MPPED2: variants seen among roughly 807,000 people sequenced by gnomAD.
The protein encoded by MPPED2 is metallophosphoesterase domain containing 2.
A neutral mutation model predicts 33.0 loss-of-function variants in MPPED2; 5 were observed. That is an observed-to-expected ratio of 0.15 (90% CI 0.08 to 0.32). The LOEUF is 0.32. Among genes scored for constraint, MPPED2 ranks in the 10% least tolerant of loss-of-function variants. The pLI is 1.00. For missense variants in MPPED2, 275 were observed against 372.1 expected, an observed-to-expected ratio of 0.74 and a Z score of 2.15; for synonymous variants, 136 against 141.9, an observed-to-expected ratio of 0.96 and a Z score of 0.29.
At chr11:30,547,428 T>A (rs1294472049) in intron 2 of MPPED2, among the ~76,000 whole-genome samples, 1 of 152,202 alleles carries the variant, frequency 6.6e-6, no homozygotes, top group Non-Finnish European at 1.5e-5. Flanking sequence ...TTATTACCTT[T>A]AATCTTCTCA....
intron 2 of MPPED2, among the ~76,000 whole-genome samples, chr11:30,538,063 T>C (rs1262479703): frequency 6.6e-6 from 1 of 152,162 alleles, no homozygotes; most frequent in Non-Finnish European, 1.5e-5. Flanking sequence ...ATAAGCAATA[T>C]CCCTATACCA....
At chr11:30,536,607 A>G (rs1250950758) in intron 2 of MPPED2, among the ~76,000 whole-genome samples, 1 of 152,194 alleles carries the variant, frequency 6.6e-6, no homozygotes, top group Non-Finnish European at 1.5e-5. Context: ...TAACTTAAGC[A>G]ATGAACTAAT....
At chr11:30,477,379 C>T (rs576205988) in intron 4 of MPPED2, among the ~76,000 whole-genome samples, 66 of 152,190 alleles carry the variant, frequency 4.3e-4, no homozygotes, top group African/African-American at 1.1e-3. Flanking sequence ...TTTTATTAAA[C>T]TGATGAAGCT....
exon 7 of MPPED2, chr11:30,384,570 G>A (rs982494196): frequency 1.3e-5 from 2 of 151,318 alleles, no homozygotes; most frequent in Non-Finnish European, 2.9e-5. Context: ...CGCCTCCAGG[G>A]TTCAAGAAAT....
intron 2 of MPPED2, among the ~76,000 whole-genome samples, chr11:30,544,456 C>G (rs139324524): frequency 1.7e-3 from 260 of 152,280 alleles, no homozygotes; most frequent in African/African-American, 5.9e-3. Flanking sequence ...TACCAGGTAC[C>G]CTGGTATGTA....
chr11:30,506,543 C>T (rs184241808), intron 3 of MPPED2, among the ~76,000 whole-genome samples: 21 of 152,178 alleles, frequency 1.4e-4, no homozygotes, highest in Non-Finnish European at 2.5e-4. Context: ...TAAAAAGCAA[C>T]TGAGAAAAAG....
At chr11:30,397,410 G>A (rs530667664) in intron 6 of MPPED2, among the ~76,000 whole-genome samples, 2 of 152,182 alleles carry the variant, frequency 1.3e-5, no homozygotes, top group East Asian at 1.9e-4. Flanking sequence ...TTATTTTGCT[G>A]TTAAATTTGG....
chr11:30,555,874 T>C (rs1161989523), intron 2 of MPPED2, among the ~76,000 whole-genome samples: 1 of 152,208 alleles, frequency 6.6e-6, no homozygotes, highest in African/African-American at 2.4e-5. Flanking sequence ...AAATTCTTCA[T>C]TCCAGCCCAG....
intron 6 of MPPED2, among the ~76,000 whole-genome samples, chr11:30,395,532 A>G (rs1188518746): frequency 6.6e-6 from 1 of 152,112 alleles, no homozygotes; most frequent in Non-Finnish European, 1.5e-5. Flanking sequence ...CATGGATTCA[A>G]TTTTTCAAAA....
chr11:30,439,009 C>A (rs1375311660), intron 4 of MPPED2, among the ~76,000 whole-genome samples: 1 of 152,138 alleles, frequency 6.6e-6, no homozygotes, highest in Non-Finnish European at 1.5e-5. Flanking sequence ...GGAGAAATAT[C>A]TAAATAGAAG....
chr11:30,398,890 G>A (rs143755495), intron 6 of MPPED2, among the ~76,000 whole-genome samples: 6 of 152,152 alleles, frequency 3.9e-5, no homozygotes, highest in East Asian at 1.9e-4. Flanking sequence ...GTTAATTTTG[G>A]TTGATGATAA....
chr11:30,549,505 C>T (rs1467922792), intron 2 of MPPED2, among the ~76,000 whole-genome samples: 2 of 152,214 alleles, frequency 1.3e-5, no homozygotes, highest in African/African-American at 4.8e-5. Flanking sequence ...ACTATCTATA[C>T]ATATGAGTTC....
At chr11:30,510,094 T>C (rs1243191693) in intron 3 of MPPED2, among the ~76,000 whole-genome samples, 2 of 152,180 alleles carry the variant, frequency 1.3e-5, no homozygotes, top group East Asian at 1.9e-4. Flanking sequence ...CCAAGACATA[T>C]AGTCACTCAT....
At chr11:30,479,415 C>A (rs989428805) in intron 4 of MPPED2, among the ~76,000 whole-genome samples, 1 of 152,046 alleles carries the variant, frequency 6.6e-6, no homozygotes, top group African/African-American at 2.4e-5. Context: ...TAAACTAAAG[C>A]AGAATAATCT....
At chr11:30,506,290 C>T (rs531754158) in intron 3 of MPPED2, among the ~76,000 whole-genome samples, 23 of 152,166 alleles carry the variant, frequency 1.5e-4, no homozygotes, top group African/African-American at 3.4e-4. Context: ...CCCCTCAGCC[C>T]GCCTCAGCCT....
chr11:30,579,720 G>A (rs969322467), intron 2 of MPPED2, among the ~76,000 whole-genome samples: 3 of 151,794 alleles, frequency 2.0e-5, no homozygotes, highest in African/African-American at 4.8e-5. Context: ...TGCAGCACAC[G>A]TTTCACTAGC....
In MPPED2 at chr11:30,562,470, G is replaced by A. The variant is rs570065823; in HGVS notation, c.128+17776C>T. On this transcript the variant is annotated intron_variant, in intron 2 of 6. Coordinates refer to ENST00000358117, the MANE Select transcript of MPPED2 (RefSeq NM_001584.3). ...GAAGCCTACCTTCTTTCACGTTTGGGAGAAGAATCAAACCTGATGCATGCC... is the reference window on the plus strand; with the variant it reads ...GAAGCCTACCTTCTTTCACGTTTGGAAGAAGAATCAAACCTGATGCATGCC... 7.2e-5 allele frequency among the ~76,000 whole-genome samples: 11 copies of A among 152,282 alleles called. No individual in the cohort carries two copies. In the South Asian group the frequency reaches 1.9e-3, roughly 26 times the overall value.
chr11:30,580,263 C>T lies in MPPED2; in HGVS notation c.111G>A (p.Gln37=), dbSNP rs751634887. 6.2e-7 allele frequency: 1 copy of T among 1,613,878 alleles called. No individual in the cohort carries two copies. Residue 37 remains glutamine (Q), a synonymous_variant, in exon 2 of 7, where the codon CAG becomes CAA. Coordinates refer to ENST00000358117, the MANE Select transcript of MPPED2 (RefSeq NM_001584.3). ...THYNINQSRF[Q]PPHVHMVDPI... ...ATACTTACATATGTACATGTGGAGG[C>T]TGGAATCTGCTCTGGTTGATGTTGT...
chr11:30,406,622 G>C (rs1467475504), downstream of MPPED2, among the ~76,000 whole-genome samples: 2 of 152,194 alleles, frequency 1.3e-5, no homozygotes, highest in Non-Finnish European at 2.9e-5. Flanking sequence ...TCCTGCTATT[G>C]AATGCAAGAT....
Sources: gnomAD v4.1 joint callset for allele counts (sites outside exome capture counted in the v4.1 genomes callset) on GRCh38, gnomAD v4.1.1 for gene constraint, MANE v1.5 for transcripts, NCBI Gene and HGNC (gene_info 2026-07-23, HGNC 2026-07-21) for gene names.